PAWR: variants seen among roughly 807,000 people sequenced by gnomAD.
The protein encoded by PAWR is PRKC apoptosis WT1 regulator protein.
A neutral mutation model predicts 32.0 loss-of-function variants in PAWR; 23 were observed. That is an observed-to-expected ratio of 0.72 (90% CI 0.52 to 1.02). The LOEUF is 1.02. Among genes scored for constraint, PAWR ranks in the 50% least tolerant of loss-of-function variants. PAWR has a pLI of 0.00. For missense variants in PAWR, 457 were observed against 437.7 expected, an observed-to-expected ratio of 1.04 and a Z score of -0.39; for synonymous variants, 226 against 187.1, an observed-to-expected ratio of 1.21 and a Z score of -1.70.
At chr12:79,675,086 T>G (rs2136864977) in intron 2 of PAWR, among the ~76,000 whole-genome samples, 1 of 152,168 alleles carries the variant, frequency 6.6e-6, no homozygotes, top group South Asian at 2.1e-4. Context: ...TAGAAATCAT[T>G]CTACCACAGG....
chr12:79,603,115 G>A (rs920735983), intron 4 of PAWR, among the ~76,000 whole-genome samples: 1 of 151,940 alleles, frequency 6.6e-6, no homozygotes, highest in Non-Finnish European at 1.5e-5. Context: ...AGGCATGGTG[G>A]CATGTTCCTG....
At chr12:79,653,186 C>T (rs115340449) in intron 2 of PAWR, among the ~76,000 whole-genome samples, 1,983 of 151,622 alleles carry the variant, frequency 0.013, 52 homozygotes, top group African/African-American at 0.045. Context: ...TTAGATTACA[C>T]GACCACACTC....
intron 2 of PAWR, among the ~76,000 whole-genome samples, chr12:79,672,463 C>T (rs1033276091): frequency 2.6e-5 from 4 of 152,154 alleles, no homozygotes; most frequent in East Asian, 1.9e-4. Context: ...CTACCTAGAA[C>T]ATTTTTACCC....
intron 2 of PAWR, chr12:79,688,589 T>A (rs1364045782): frequency 6.6e-6 from 1 of 152,118 alleles, no homozygotes; most frequent in East Asian, 1.9e-4. Flanking sequence ...ACAGTTTTGC[T>A]GGCTGATAAA....
chr12:79,603,484 T>C (rs935904615), intron 4 of PAWR, among the ~76,000 whole-genome samples: 1 of 152,060 alleles, frequency 6.6e-6, no homozygotes, highest in Non-Finnish European at 1.5e-5. Flanking sequence ...CATGACTTTT[T>C]AGGTAGAAAC....
chr12:79,629,588 T>G (rs572607953), intron 2 of PAWR, among the ~76,000 whole-genome samples: 15 of 151,832 alleles, frequency 9.9e-5, no homozygotes, highest in African/African-American at 3.4e-4. Context: ...GGGAAATGTG[T>G]AGAGATATAA....
At chr12:79,649,964 T>G (rs750866778) in intron 2 of PAWR, among the ~76,000 whole-genome samples, 1 of 152,158 alleles carries the variant, frequency 6.6e-6, no homozygotes, top group Non-Finnish European at 1.5e-5. Context: ...ATAAAGAGCA[T>G]GCAACCTAGA....
intron 6 of PAWR, among the ~76,000 whole-genome samples, chr12:79,593,038 C>CAA (rs796577449): frequency 7.1e-6 from 1 of 141,086 alleles, no homozygotes; most frequent in Non-Finnish European, 1.6e-5. Flanking sequence ...AAAACTGAGG[C>CAA]AAAAAAAAAA....
intron 4 of PAWR, among the ~76,000 whole-genome samples, chr12:79,611,788 A>G (rs1451795098): frequency 6.6e-6 from 1 of 152,154 alleles, no homozygotes; most frequent in East Asian, 1.9e-4. Context: ...GTACAAACAC[A>G]TGGACATATC....
chr12:79,683,044 A>G (rs1878518003), intron 2 of PAWR, among the ~76,000 whole-genome samples: 1 of 152,234 alleles, frequency 6.6e-6, no homozygotes, highest in Non-Finnish European at 1.5e-5. Context: ...CGCATTAACT[A>G]TTTGAGGTGT....
chr12:79,642,092 T>C (rs1350990940), intron 2 of PAWR, among the ~76,000 whole-genome samples: 5 of 152,064 alleles, frequency 3.3e-5, no homozygotes, highest in Non-Finnish European at 5.9e-5. Context: ...ACATTATCAT[T>C]TAAAATATAC....
chr12:79,648,033 C>T (rs191888065), intron 2 of PAWR, among the ~76,000 whole-genome samples: 7 of 152,294 alleles, frequency 4.6e-5, no homozygotes, highest in African/African-American at 1.7e-4. Flanking sequence ...TCTAATGCCC[C>T]TGCTGATCTG....
rs1468621130 is a variant in PAWR, at chr12:79,604,577, A to C, written c.684-7919T>G. ...AGTATCAAATATTCAGAAGTACAGG[A>C]TATATTCTGAAATTCCCAAATAACC... On this transcript the variant is annotated intron_variant, in intron 4 of 6. Coordinates refer to ENST00000328827, the MANE Select transcript of PAWR (RefSeq NM_002583.4). 2.4e-6 allele frequency: 3 copies of C among 1,274,332 alleles called. No homozygotes were observed. In the Admixed American group the frequency reaches 7.3e-5, roughly 31 times the overall value. 78.9% of individuals were successfully genotyped at this position (1,274,332 alleles called of 1,614,324 possible).
chr12:79,656,863 T>G (rs947286319), intron 2 of PAWR, among the ~76,000 whole-genome samples: 1 of 152,164 alleles, frequency 6.6e-6, no homozygotes, highest in Non-Finnish European at 1.5e-5. Flanking sequence ...CTAAAATTAC[T>G]GCAGCTTAGT....
intron 6 of PAWR, among the ~76,000 whole-genome samples, chr12:79,593,002 C>T (rs1873611452): frequency 6.6e-6 from 1 of 151,784 alleles, no homozygotes; most frequent in Admixed American, 6.6e-5. Flanking sequence ...AGTTTTTTAG[C>T]TAAACAAACT....
intron 3 of PAWR, among the ~76,000 whole-genome samples, chr12:79,615,294 C>G (rs1209510433): frequency 2.0e-5 from 3 of 152,088 alleles, no homozygotes; most frequent in Non-Finnish European, 4.4e-5. Flanking sequence ...TCTTTCTCCC[C>G]CAAAACCCCA....
In PAWR at chr12:79,588,054, G is replaced by GA. The variant is rs1279620611; in HGVS notation, c.*4552dup. On this transcript the variant is annotated 3_prime_UTR_variant, in exon 7 of 7. Coordinates refer to ENST00000328827, the MANE Select transcript of PAWR (RefSeq NM_002583.4). The stretch of plus-strand genomic sequence containing the variant: ...AGCAGGATGCTACTTAAATTTAGAA[G>GA]AAAAACATAAGAATAAAAACCCTGA... 6.6e-6 allele frequency: 1 copy of GA among 151,892 alleles called. No homozygotes were observed. The highest frequency in any genetic ancestry group is 1.5e-5 in the Non-Finnish European group (1 of 67,828). The allele number at this position is 151,892 out of a possible 1,614,324, so 9.4% of individuals were successfully genotyped here.
intron 2 of PAWR, among the ~76,000 whole-genome samples, chr12:79,655,978 A>G (rs1877074921): frequency 6.6e-6 from 1 of 152,256 alleles, no homozygotes; most frequent in South Asian, 2.1e-4. Context: ...TTCCGGAGTG[A>G]TATCTAATAG....
chr12:79,600,133 CAT>C (rs1010825537), intron 4 of PAWR, among the ~76,000 whole-genome samples: 3 of 152,160 alleles, frequency 2.0e-5, no homozygotes, highest in Non-Finnish European at 4.4e-5. Flanking sequence ...ACATAGGACA[CAT>C]AATACTTTCC....
Sources: gnomAD v4.1 joint callset for allele counts (sites outside exome capture counted in the v4.1 genomes callset) on GRCh38, gnomAD v4.1.1 for gene constraint, MANE v1.5 for transcripts, NCBI Gene and HGNC (gene_info 2026-07-23, HGNC 2026-07-21) for gene names.